C3orf49: variants seen among roughly 807,000 people sequenced by gnomAD.
C3orf49 encodes the protein chromosome 3 open reading frame 49, also known as putative uncharacterized protein C3orf49.
A neutral mutation model predicts 13.3 loss-of-function variants in C3orf49; 27 were observed. That is an observed-to-expected ratio of 2.02 (90% CI 1.49 to 2.79). The LOEUF is 2.79. Ranked by LOEUF, C3orf49 falls within the 30% of genes most tolerant of loss-of-function variation. The probability of loss-of-function intolerance (pLI) is 0.00; values close to 1 mark genes in which losing one functional copy is unlikely to be tolerated. For synonymous variants in C3orf49, 87 were observed against 47.6 expected, an observed-to-expected ratio of 1.83 and a Z score of -3.40; for missense variants, 242 against 134.2, an observed-to-expected ratio of 1.80 and a Z score of -3.97.
At chr3:63,800,492 T>C in the C3orf49 span, among the ~76,000 whole-genome samples, 1 of 152,062 alleles carries the variant, frequency 6.6e-6, no homozygotes, top group Non-Finnish European at 1.5e-5. Flanking sequence ...AATAATAATA[T>C]ACCATTTGTC....
the C3orf49 span, among the ~76,000 whole-genome samples, chr3:63,796,945 T>C: frequency 6.6e-6 from 1 of 152,256 alleles, no homozygotes; most frequent in African/African-American, 2.4e-5. Context: ...TCCTCAGTTT[T>C]TGTTTGTCTG....
At chr3:63,803,377 T>G in the C3orf49 span, among the ~76,000 whole-genome samples, 1 of 152,208 alleles carries the variant, frequency 6.6e-6, no homozygotes, top group Non-Finnish European at 1.5e-5. Flanking sequence ...AATGTACATG[T>G]GGGGTTGAGA....
the C3orf49 span, among the ~76,000 whole-genome samples, chr3:63,807,714 G>A: frequency 2.0e-5 from 3 of 151,510 alleles, no homozygotes; most frequent in Non-Finnish European, 2.9e-5. Context: ...AAAATTAGTC[G>A]GGCGTGGTGG....
rs780133903 is a variant in C3orf49 at position 63,827,565 on chromosome 3, G to C, written c.446-36G>C. The C allele has an allele frequency of 1.4e-5, 10 of 693,600 alleles. 1 individual carries two copies. The highest frequency in any genetic ancestry group is 1.2e-4 in the South Asian group (8 of 66,102). 43.0% of individuals were successfully genotyped at this position (693,600 alleles called of 1,614,324 possible). ...ACAGGAAGAATGTGTTCCTCATTGT[G>C]ATCCTTACAGATTCCTTTTTCCCCC... On this transcript the variant is annotated intron_variant, in intron 2 of 6. Transcript: ENST00000295896.
upstream of C3orf49, among the ~76,000 whole-genome samples, chr3:63,815,619 G>A (rs1356506957): frequency 1.3e-5 from 2 of 152,096 alleles, no homozygotes; most frequent in Non-Finnish European, 2.9e-5. Flanking sequence ...TCTCAGCATA[G>A]TTTGTCTCTT....
upstream of C3orf49, among the ~76,000 whole-genome samples, chr3:63,815,200 T>C (rs773969084): frequency 6.6e-6 from 1 of 152,200 alleles, no homozygotes; most frequent in Non-Finnish European, 1.5e-5. Context: ...CATTTCAATA[T>C]GAGATTTGGG....
At chr3:63,801,427 T>G in the C3orf49 span, among the ~76,000 whole-genome samples, 1 of 152,016 alleles carries the variant, frequency 6.6e-6, no homozygotes, top group Non-Finnish European at 1.5e-5. Context: ...GCATGGTCCC[T>G]GTCCTTGGTG....
At chr3:63,785,034 CCCTAGTCTCCACTGG>C in the C3orf49 span, among the ~76,000 whole-genome samples, 4 of 150,894 alleles carry the variant, frequency 2.7e-5, no homozygotes, top group Non-Finnish European at 5.9e-5. Context: ...ATGTGTGGGC[CCCTAGTCTCCACTGG>C]ACTTCTCTTC....
At position 63,823,256 on chromosome 3, in the gene C3orf49, T is replaced by C. The variant is rs1320445165; in HGVS notation, c.132T>C (p.His44=). Residue 44 remains histidine (H), a synonymous_variant, in exon 2 of 7, where the codon CAT becomes CAC. Transcript: ENST00000295896. ...CCATTTTTATTTTGTTTAGATGGCA[T>C]AGAGCTGTGTCTACCAACTTACTAA... ...SFKRKGIERW[H]RAVSTNLLKQ... The C allele has an allele frequency of 4.3e-6, 3 of 701,474 alleles. No homozygotes were observed. Among genetic ancestry groups the C allele is most frequent in the African/African-American group, 3.5e-5 (2 of 57,194 alleles). 43.5% of individuals were successfully genotyped at this position (701,474 alleles called of 1,614,324 possible).
At chr3:63,826,195 G>A (rs1286703494) in intron 2 of C3orf49, among the ~76,000 whole-genome samples, 1 of 152,194 alleles carries the variant, frequency 6.6e-6, no homozygotes, top group African/African-American at 2.4e-5. Context: ...GAAACCACTG[G>A]ATACTTTCAA....
intron 5 of C3orf49, chr3:63,832,193 C>A: frequency 5.8e-6 from 1 of 173,264 alleles, no homozygotes; most frequent in Non-Finnish European, 1.2e-5. Context: ...GACTCCATCT[C>A]GAAAATAAAA....
chr3:63,845,334 G>A (rs1316587059), intron 6 of C3orf49, among the ~76,000 whole-genome samples: 7 of 152,180 alleles, frequency 4.6e-5, no homozygotes, highest in Non-Finnish European at 8.8e-5. Flanking sequence ...CACTGGCAAT[G>A]ACTACATTGT....
the C3orf49 span, among the ~76,000 whole-genome samples, chr3:63,799,235 G>A: frequency 6.6e-6 from 1 of 152,154 alleles, no homozygotes; most frequent in South Asian, 2.1e-4. Flanking sequence ...CCTGGATGTG[G>A]CATTGTGCTA....
At chr3:63,823,201 C>G (rs2107096758) in intron 1 of C3orf49, 49 bp from the exon 2 acceptor site, 1 of 609,848 alleles carries the variant, frequency 1.6e-6, no homozygotes, top group Admixed American at 2.8e-5. Flanking sequence ...AAATTTTTCA[C>G]TTTTAACTTT....
the C3orf49 span, among the ~76,000 whole-genome samples, chr3:63,803,397 G>T: frequency 6.6e-6 from 1 of 152,132 alleles, no homozygotes; most frequent in Admixed American, 6.5e-5. Flanking sequence ...AAATCCTCTT[G>T]CTCTCCTCCT....
the C3orf49 span, among the ~76,000 whole-genome samples, chr3:63,802,282 T>C: frequency 6.6e-6 from 1 of 152,230 alleles, no homozygotes; most frequent in Non-Finnish European, 1.5e-5. Context: ...TTTGACTGCC[T>C]GACCAATCGC....
intron 3 of C3orf49, among the ~76,000 whole-genome samples, chr3:63,829,694 C>T (rs1194933075): frequency 1.3e-5 from 2 of 152,046 alleles, no homozygotes; most frequent in African/African-American, 4.8e-5. Flanking sequence ...GGTGTGGTGG[C>T]TCATGTCTGT....
At chr3:63,819,244 A>G, upstream of C3orf49, 1 of 435,482 alleles carries the variant, frequency 2.3e-6, no homozygotes, top group Non-Finnish European at 4.2e-6. Context: ...TCTGTCAAAT[A>G]CATCACTGGT....
chr3:63,824,310 T>G (rs1240740923), intron 2 of C3orf49, among the ~76,000 whole-genome samples: 1 of 152,182 alleles, frequency 6.6e-6, no homozygotes, highest in Non-Finnish European at 1.5e-5. Context: ...CATGGCTACT[T>G]CTAACAGTGG....
Sources: allele counts gnomAD v4.1 joint callset (sites outside exome capture counted in the v4.1 genomes callset), GRCh38; gene constraint gnomAD v4.1.1; transcripts MANE v1.5; gene names NCBI Gene and HGNC (gene_info 2026-07-23, HGNC 2026-07-21).